Variants in TSHR observed in about 807,000 individuals in gnomAD.
TSHR encodes thyrotropin receptor.
A neutral mutation model predicts 64.1 loss-of-function variants in TSHR; 51 were observed. That is an observed-to-expected ratio of 0.80 (90% CI 0.64 to 1.01). TSHR has a LOEUF of 1.01. Among genes scored for constraint, TSHR ranks in the 50% least tolerant of loss-of-function variants. The pLI is 0.00. For synonymous variants in TSHR, 361 were observed against 361.9 expected (o/e 1.00, Z 0.03); for missense variants, 877 against 942.8 (o/e 0.93, Z 0.91).
chr14:81,143,827 A>T lies in TSHR; in HGVS notation c.1769A>T (p.Asn590Ile). 1.2e-6 allele frequency: 2 copies of T among 1,614,054 alleles called. No homozygotes were observed. Among genetic ancestry groups the T allele is most frequent in the Admixed American group, 3.3e-5 (2 of 60,008 alleles). Residue 590 changes from asparagine to isoleucine, a missense_variant, in exon 10 of 10, where the codon AAC (asparagine) becomes ATC (isoleucine). Coordinates refer to ENST00000298171, the MANE Select transcript of TSHR (RefSeq NM_000369.5). ...LAYIVFVLTL[N>I]IVAFVIVCCC... is the part of the protein sequence containing the mutation. ...TATATTGTTTTTGTTCTGACGCTCA[A>T]CATAGTTGCCTTCGTCATCGTCTGC...
intron 8 of TSHR, among the ~76,000 whole-genome samples, chr14:81,138,109 G>T (rs769169156): frequency 6.6e-6 from 1 of 151,966 alleles, no homozygotes; most frequent in African/African-American, 2.4e-5. Context: ...AACCGCAAAG[G>T]TGTTTATTTA....
intron 6 of TSHR, chr14:81,093,540 G>T (rs1177279729): frequency 6.6e-6 from 1 of 152,200 alleles, no homozygotes; most frequent in East Asian, 1.9e-4. Context: ...TAAAGTTGGG[G>T]TGGAGGTCTT....
intron 1 of TSHR, among the ~76,000 whole-genome samples, chr14:80,983,820 A>G (rs1281201714): frequency 6.6e-6 from 1 of 152,224 alleles, no homozygotes; most frequent in African/African-American, 2.4e-5. Flanking sequence ...TATCAGATGA[A>G]TATCATATCA....
At chr14:80,980,974 T>C (rs1164618873) in intron 1 of TSHR, among the ~76,000 whole-genome samples, 1 of 152,248 alleles carries the variant, frequency 6.6e-6, no homozygotes, top group South Asian at 2.1e-4. Context: ...GTCTTTTATG[T>C]CCTGAATTAG....
chr14:81,066,080 G>A (rs115749902), intron 2 of TSHR, among the ~76,000 whole-genome samples: 2,645 of 152,226 alleles, frequency 0.017, 88 homozygotes, highest in African/African-American at 0.06. Flanking sequence ...CTGAATAAAC[G>A]ATTCCTGCCA....
chr14:81,041,259 G>A (rs1490229384), intron 1 of TSHR, among the ~76,000 whole-genome samples: 1 of 151,924 alleles, frequency 6.6e-6, no homozygotes, highest in African/African-American at 2.4e-5. Flanking sequence ...CCAAAGACAT[G>A]GAATCAACCT....
intron 1 of TSHR, among the ~76,000 whole-genome samples, chr14:81,040,010 C>T (rs182873555): frequency 6.3e-4 from 95 of 151,992 alleles, no homozygotes; most frequent in Admixed American, 6.2e-3. Flanking sequence ...ATATCCAAAG[C>T]AATTTTGAGT....
At chr14:81,041,544 G>C (rs1466193452) in intron 1 of TSHR, among the ~76,000 whole-genome samples, 9 of 151,996 alleles carry the variant, frequency 5.9e-5, no homozygotes, top group Non-Finnish European at 1.3e-4. Context: ...AGGAGGGAGA[G>C]GATCAGGAAA....
chr14:80,963,749 G>A (rs890994619), intron 1 of TSHR, among the ~76,000 whole-genome samples: 1 of 152,184 alleles, frequency 6.6e-6, no homozygotes, highest in Non-Finnish European at 1.5e-5. Flanking sequence ...AGGGTCTTAA[G>A]ACCTACTTTA....
At chr14:81,068,085 GA>G (rs954027787) in intron 2 of TSHR, among the ~76,000 whole-genome samples, 168 bp from the exon 3 acceptor site, 4 of 148,724 alleles carry the variant, frequency 2.7e-5, no homozygotes, top group Non-Finnish European at 4.5e-5. Flanking sequence ...CACAAGATCT[GA>G]AAAAAAAAGT....
intron 1 of TSHR, among the ~76,000 whole-genome samples, chr14:81,058,911 T>C (rs991880037): frequency 1.3e-5 from 2 of 152,168 alleles, no homozygotes; most frequent in Admixed American, 1.3e-4. Flanking sequence ...AAAAGGTAGA[T>C]AATAGAAAGA....
intron 1 of TSHR, among the ~76,000 whole-genome samples, chr14:81,010,365 G>A (rs577108965): frequency 3.6e-4 from 54 of 151,644 alleles, no homozygotes; most frequent in African/African-American, 1.1e-3. Context: ...TTTAAATTTC[G>A]GAACAGCCAT....
At chr14:81,048,232 C>A (rs1312789090) in intron 1 of TSHR, among the ~76,000 whole-genome samples, 2 of 152,112 alleles carry the variant, frequency 1.3e-5, no homozygotes, top group East Asian at 1.9e-4. Flanking sequence ...TAAACAGAAG[C>A]CTTCAGGTCT....
At chr14:81,086,581 TA>T (rs1231107037) in intron 3 of TSHR, among the ~76,000 whole-genome samples, 13 of 152,354 alleles carry the variant, frequency 8.5e-5, no homozygotes, top group African/African-American at 2.9e-4. Flanking sequence ...GAATATTATT[TA>T]ATCCTCACAA....
chr14:81,108,881 G>A (rs958167755), intron 8 of TSHR: 13 of 1,439,688 alleles, frequency 9.0e-6, no homozygotes, highest in East Asian at 5.0e-5. Flanking sequence ...AGTTCGACTC[G>A]TCTGTGGAAG....
intron 8 of TSHR, among the ~76,000 whole-genome samples, chr14:81,114,906 C>T (rs925869796): frequency 5.2e-4 from 79 of 152,186 alleles, no homozygotes; most frequent in African/African-American, 1.8e-3. Context: ...GGAGGCACCC[C>T]CCAGCAGGGG....
intron 1 of TSHR, chr14:80,994,196 G>A (rs535373692): frequency 1.3e-4 from 19 of 150,194 alleles, no homozygotes; most frequent in African/African-American, 4.2e-4. Flanking sequence ...TTACTTTATT[G>A]TAAAAGTACA....
At chr14:81,130,757 C>T (rs552132034) in intron 8 of TSHR, among the ~76,000 whole-genome samples, 3 of 90,716 alleles carry the variant, frequency 3.3e-5, no homozygotes, top group African/African-American at 9.1e-5. Flanking sequence ...TTTGGGAGGC[C>T]GAGGCGGGTG....
chr14:80,966,487 T>A lies in TSHR; in HGVS notation c.170+10637T>A, dbSNP rs575560699. Among the ~76,000 whole-genome samples, 37 of 152,270 alleles carry A rather than the reference T, an allele frequency of 2.4e-4. No individual in the cohort carries two copies. In the East Asian group the frequency reaches 7.1e-3, roughly 29 times the overall value. On this transcript the variant is annotated intron_variant, in intron 1 of 9. Coordinates refer to ENST00000298171, the MANE Select transcript of TSHR (RefSeq NM_000369.5). ...TCCTTTTTTATATTTTAAATAAATA[T>A]GTATTGATCACCTATCATACACTAG...
Sources: gnomAD v4.1 joint callset for allele counts (sites outside exome capture counted in the v4.1 genomes callset) on GRCh38, gnomAD v4.1.1 for gene constraint, MANE v1.5 for transcripts, NCBI Gene and HGNC (gene_info 2026-07-23, HGNC 2026-07-21) for gene names.